GABRB2: variants seen among roughly 807,000 people sequenced by gnomAD.
GABRB2 encodes gamma-aminobutyric acid type A receptor subunit beta2, also known as gamma-aminobutyric acid receptor subunit beta-2.
A neutral mutation model predicts 54.7 loss-of-function variants in GABRB2; 16 were observed. The ratio of observed to expected loss-of-function variants is 0.29; its 90% CI spans 0.20 to 0.44. GABRB2 has a LOEUF of 0.44. Ranked by LOEUF, GABRB2 falls within the 20% of genes least tolerant of loss-of-function variation. GABRB2 has a pLI of 1.00. For synonymous variants in GABRB2, 244 were observed against 233.8 expected, an observed-to-expected ratio of 1.04 and a Z score of -0.40; for missense variants, 355 against 644.0, an observed-to-expected ratio of 0.55 and a Z score of 4.86.
At chr5:161,368,795 A>G (rs1195067331) in intron 5 of GABRB2, among the ~76,000 whole-genome samples, 1 of 152,188 alleles carries the variant, frequency 6.6e-6, no homozygotes. Context: ...ATTTTGAAGC[A>G]GGATTTGTAG....
At chr5:161,345,073 T>A (rs911528536) in intron 5 of GABRB2, among the ~76,000 whole-genome samples, 2 of 151,982 alleles carry the variant, frequency 1.3e-5, no homozygotes, top group African/African-American at 4.8e-5. Flanking sequence ...GGGATAGCAT[T>A]AGGAGAAATA....
At chr5:161,407,523 C>T (rs1289978324) in intron 5 of GABRB2, among the ~76,000 whole-genome samples, 2 of 152,048 alleles carry the variant, frequency 1.3e-5, no homozygotes, top group Non-Finnish European at 2.9e-5. Flanking sequence ...TTCACTATTT[C>T]TGTACTAGAA....
intron 4 of GABRB2, among the ~76,000 whole-genome samples, chr5:161,423,427 C>A (rs891863650): frequency 6.6e-6 from 1 of 152,146 alleles, no homozygotes; most frequent in Admixed American, 6.6e-5. Context: ...TCTTCCAAAT[C>A]ATGTGCTCAC....
chr5:161,398,876 G>A (rs1437861136), intron 5 of GABRB2, among the ~76,000 whole-genome samples: 2 of 152,054 alleles, frequency 1.3e-5, no homozygotes, highest in South Asian at 2.1e-4. Flanking sequence ...TTTTAGTAGA[G>A]ACTGGGTTTC....
At chr5:161,411,259 A>T (rs1756509312) in intron 4 of GABRB2, among the ~76,000 whole-genome samples, 1 of 152,156 alleles carries the variant, frequency 6.6e-6, no homozygotes, top group African/African-American at 2.4e-5. Context: ...GCATTTCCCA[A>T]AGTATGGTCC....
rs778795903 is a variant in GABRB2, at chr5:161,546,658, A to G, written c.-15T>C. 4 of 1,581,192 alleles carry G rather than the reference A, an allele frequency of 2.5e-6. No homozygotes were observed. Among genetic ancestry groups the G allele is most frequent in the Non-Finnish European group, 3.4e-6 (4 of 1,162,004 alleles). ...ACTCTCCACATCCCTTTAGTTTTTGATGGAATTGAGGGTTTCACTGAAGAG... is the reference window on the plus strand; with the variant it reads ...ACTCTCCACATCCCTTTAGTTTTTGGTGGAATTGAGGGTTTCACTGAAGAG... On this transcript the variant is annotated 5_prime_UTR_variant, in exon 1 of 10. Coordinates refer to ENST00000393959, the MANE Select transcript of GABRB2 (RefSeq NM_001371727.1).
chr5:161,485,064 C>T (rs888817250), intron 3 of GABRB2, among the ~76,000 whole-genome samples: 9 of 151,872 alleles, frequency 5.9e-5, no homozygotes, highest in Non-Finnish European at 1.2e-4. Context: ...TGACCGTTCC[C>T]TTCTCCTCTT....
intron 5 of GABRB2, among the ~76,000 whole-genome samples, chr5:161,338,375 T>C (rs949463573): frequency 6.6e-6 from 1 of 152,196 alleles, no homozygotes; most frequent in Non-Finnish European, 1.5e-5. Context: ...ACAAACTATA[T>C]TGAAATCAAA....
intron 3 of GABRB2, among the ~76,000 whole-genome samples, chr5:161,462,921 T>C (rs531957629): frequency 6.6e-6 from 1 of 152,268 alleles, no homozygotes; most frequent in East Asian, 1.9e-4. Context: ...CTTTGCACTT[T>C]AATATTACAA....
At chr5:161,385,952 GT>G (rs1755617389) in intron 5 of GABRB2, among the ~76,000 whole-genome samples, 2 of 55,344 alleles carry the variant, frequency 3.6e-5, no homozygotes, top group South Asian at 1.0e-3. Flanking sequence ...TGTCTGGTGT[GT>G]GTGTGTGTGT....
At chr5:161,361,207 C>T (rs1208125129) in intron 5 of GABRB2, among the ~76,000 whole-genome samples, 1 of 151,726 alleles carries the variant, frequency 6.6e-6, no homozygotes, top group African/African-American at 2.4e-5. Context: ...ATTTGAACAA[C>T]CAAATTGTTA....
chr5:161,354,838 TAC>T (rs1754569125), intron 5 of GABRB2, among the ~76,000 whole-genome samples: 1 of 152,120 alleles, frequency 6.6e-6, no homozygotes, highest in Admixed American at 6.6e-5. Context: ...TAAAAGTAAT[TAC>T]TTTTTGCAAT....
intron 5 of GABRB2, among the ~76,000 whole-genome samples, chr5:161,393,585 G>C (rs1755902767): frequency 2.0e-5 from 3 of 151,890 alleles, no homozygotes; most frequent in African/African-American, 7.2e-5. Context: ...TATGCAAAAA[G>C]TATGGATAAT....
intron 4 of GABRB2, among the ~76,000 whole-genome samples, chr5:161,415,825 C>T (rs1756648492): frequency 2.6e-5 from 4 of 152,084 alleles, no homozygotes; most frequent in African/African-American, 7.2e-5. Context: ...GTTGGCCAAC[C>T]TGGTCTCAAA....
intron 4 of GABRB2, among the ~76,000 whole-genome samples, chr5:161,444,001 A>G (rs1757542120): frequency 6.6e-6 from 1 of 152,212 alleles, no homozygotes; most frequent in Admixed American, 6.6e-5. Context: ...TTACACTGGT[A>G]TATGACTAAT....
chr5:161,538,367 A>G (rs774860405), intron 3 of GABRB2, among the ~76,000 whole-genome samples: 2 of 152,240 alleles, frequency 1.3e-5, no homozygotes, highest in Non-Finnish European at 2.9e-5. Context: ...ACCATTTGAA[A>G]TACCAAATAC....
chr5:161,301,231 T>C (rs1490191612), intron 9 of GABRB2, among the ~76,000 whole-genome samples: 1 of 152,160 alleles, frequency 6.6e-6, no homozygotes, highest in Non-Finnish European at 1.5e-5. Context: ...GCCTTCTCTG[T>C]ACCAGGCTAT....
intron 5 of GABRB2, among the ~76,000 whole-genome samples, chr5:161,384,477 C>T (rs781308290): frequency 1.1e-4 from 17 of 152,252 alleles, no homozygotes; most frequent in East Asian, 3.9e-4. Flanking sequence ...GCTTCTTTCA[C>T]GGTAACAGTG....
chr5:161,523,981 G>C (rs1447283892), intron 3 of GABRB2, among the ~76,000 whole-genome samples: 1 of 151,258 alleles, frequency 6.6e-6, no homozygotes, highest in Non-Finnish European at 1.5e-5. Context: ...GGGATTGGAG[G>C]TTATTCTGAC....
Sources: gnomAD v4.1 joint callset for allele counts (sites outside exome capture counted in the v4.1 genomes callset) on GRCh38, gnomAD v4.1.1 for gene constraint, MANE v1.5 for transcripts, NCBI Gene and HGNC (gene_info 2026-07-23, HGNC 2026-07-21) for gene names.